TMEM39B: variants seen among roughly 807,000 people sequenced by gnomAD.
TMEM39B encodes transmembrane protein 39B.
Under a neutral mutation model 52.2 loss-of-function variants are expected in TMEM39B, and 23 were observed. The observed-to-expected ratio is 0.44, with a 90% CI of 0.32 to 0.62. The LOEUF (loss-of-function observed/expected upper bound fraction) is 0.62, where lower values mean the gene tolerates loss of function less well. TMEM39B is among the 20% of genes least tolerant of loss of function. The probability of loss-of-function intolerance (pLI) is 0.06; values close to 1 mark genes in which losing one functional copy is unlikely to be tolerated. For missense variants in TMEM39B, 547 were observed against 642.0 expected (o/e 0.85, Z 1.60); for synonymous variants, 285 against 264.0 (o/e 1.08, Z -0.77).
rs200998933 is a variant in TMEM39B at position 32,094,826 on chromosome 1, C to A, written c.970C>A (p.Leu324Met). The change falls in exon 7 of 9, where the codon CTG becomes ATG. Residue 324 changes from leucine to methionine, a missense_variant. Physicochemically the swap from Leu to Met is conservative, Grantham distance 15 (BLOSUM62 2). Transcript: ENST00000336294. ...CAAGCGCTGGTCCTGTGAACTCTTC[C>A]TGCTGGTGTCCATCAGCACCTCCGT... The part of the protein sequence containing the change: ...YDKRWSCELF[L>M]LVSISTSVIL... The A allele has an allele frequency of 2.5e-6, 4 of 1,614,232 alleles. No homozygotes were observed. Among genetic ancestry groups the A allele is most frequent in the Non-Finnish European group, 3.4e-6 (4 of 1,180,044 alleles).
intron 6 of TMEM39B, among the ~76,000 whole-genome samples, chr1:32,093,707 C>G (rs531621620): frequency 6.6e-6 from 1 of 150,570 alleles, no homozygotes; most frequent in East Asian, 2.0e-4. Flanking sequence ...CCACTGCGCC[C>G]GGCCCTTAAT....
intron 7 of TMEM39B, among the ~76,000 whole-genome samples, chr1:32,096,697 G>A (rs1401427924): frequency 6.6e-6 from 1 of 152,100 alleles, no homozygotes; most frequent in African/African-American, 2.4e-5. Context: ...CTGACCTCAG[G>A]TGATTCACTC....
chr1:32,091,773 G>A lies in TMEM39B; in HGVS notation c.689G>A (p.Ser230Asn). The A allele has an allele frequency of 5.0e-6, 8 of 1,614,256 alleles. No individual in the cohort carries two copies. The highest frequency in any genetic ancestry group is 2.2e-5 in the East Asian group (1 of 44,892). Reference sequence around the variant, plus strand: ...TCCATGGGGCCCCGGGAGGCGGTCAGTGGCCTGGCAAAGAGCCGGGACTAC... The same window carrying A: ...TCCATGGGGCCCCGGGAGGCGGTCAATGGCCTGGCAAAGAGCCGGGACTAC... Reference protein sequence around the residue: ...MASMGPREAVSGLAKSRDYLL... With the variant: ...MASMGPREAVNGLAKSRDYLL... The change falls in exon 6 of 9, where the codon AGT becomes AAT. Residue 230 changes from serine to asparagine, a missense_variant. Coordinates refer to ENST00000336294, the MANE Select transcript of TMEM39B (RefSeq NM_018056.4).
chr1:32,088,483 C>T (rs1195445624), intron 5 of TMEM39B, among the ~76,000 whole-genome samples: 1 of 151,860 alleles, frequency 6.6e-6, no homozygotes, highest in African/African-American at 2.4e-5. Context: ...TAGACCATGA[C>T]TGCTTCTTCG....
intron 1 of TMEM39B, among the ~76,000 whole-genome samples, chr1:32,074,351 A>G (rs936978136): frequency 6.6e-6 from 1 of 152,136 alleles, no homozygotes; most frequent in Non-Finnish European, 1.5e-5. Flanking sequence ...CAGAGTTGAG[A>G]GCACACGACC....
At position 32,091,835 on chromosome 1, in the gene TMEM39B, A is replaced by G. The variant is rs997788821; in HGVS notation, c.751A>G (p.Arg251Gly). ...TLRETWKQHT[R>G]QLYGPDAMPT... ...GCGGGAGACGTGGAAGCAGCACACA[A>G]GACAGCTGTATGGCCCGGACGCCAT... The change falls in exon 6 of 9, where the codon AGA becomes GGA. Residue 251 changes from arginine to glycine, a missense_variant. Physicochemically the swap from Arg to Gly is moderately radical, Grantham distance 125. Coordinates refer to ENST00000336294, the MANE Select transcript of TMEM39B (RefSeq NM_018056.4). The G allele has an allele frequency of 2.5e-6, 4 of 1,614,248 alleles. No individual in the cohort carries two copies. The highest frequency in any genetic ancestry group is 3.3e-4 in the Middle Eastern group (2 of 6,062).
intron 5 of TMEM39B, among the ~76,000 whole-genome samples, chr1:32,085,767 T>A (rs72878662): frequency 0.036 from 5,349 of 148,858 alleles, 315 homozygotes; most frequent in African/African-American, 0.12. Flanking sequence ...AAAAAAAAAA[T>A]TCCCTTATTT....
intron 5 of TMEM39B, among the ~76,000 whole-genome samples, chr1:32,083,106 G>C (rs543951654): frequency 1.7e-5 from 2 of 115,574 alleles, no homozygotes; most frequent in African/African-American, 6.8e-5. Flanking sequence ...TTTTTGAGAC[G>C]GAGTTTTGCT....
At chr1:32,085,041 T>A (rs1320833744) in intron 5 of TMEM39B, among the ~76,000 whole-genome samples, 3 of 152,204 alleles carry the variant, frequency 2.0e-5, no homozygotes, top group Admixed American at 2.0e-4. Flanking sequence ...AATATTCTGT[T>A]TATCTTTTGA....
intron 6 of TMEM39B, 152 bp from the exon 7 acceptor site, chr1:32,094,632 C>G (rs978473299): frequency 1.6e-5 from 14 of 857,994 alleles, no homozygotes; most frequent in Non-Finnish European, 2.5e-5. Flanking sequence ...AGGGCCTAAG[C>G]CTTGTTTGTT....
chr1:32,073,620 C>A, intron 1 of TMEM39B: 8 of 987,424 alleles, frequency 8.1e-6, no homozygotes, highest in Non-Finnish European at 9.6e-6. Flanking sequence ...GGCAGAGCTT[C>A]TGGACTGGAC....
chr1:32,077,210 TC>T lies in TMEM39B; in HGVS notation c.484del (p.Leu162SerfsTer28). The T allele has an allele frequency of 6.2e-7, 1 of 1,614,180 alleles. No homozygotes were observed. The highest frequency in any genetic ancestry group is 8.5e-7 in the Non-Finnish European group (1 of 1,180,026). On this transcript the variant is annotated frameshift_variant, in exon 5 of 9. Transcript: ENST00000336294. LOFTEE classifies it high-confidence loss of function. ...KVSLFRSILLFLTRFTVLTAT... is the reference protein window; with the variant it reads ...KVSLFRSILLXLTRFTVLTAT... The stretch of plus-strand genomic sequence containing the variant: ...TCCCTCTTTCGCTCCATCCTGCTGT[TC>T]CTCACTCGCTTCACCGTTCTCACGG...
chr1:32,092,838 G>A (rs573536270), intron 6 of TMEM39B, among the ~76,000 whole-genome samples: 3 of 152,252 alleles, frequency 2.0e-5, no homozygotes, highest in East Asian at 1.9e-4. Context: ...GAAGGGAAGT[G>A]ACCTGTCCAA....
chr1:32,074,851 G>T, intron 1 of TMEM39B, 100 bp from the exon 2 acceptor site: 1 of 1,380,632 alleles, frequency 7.2e-7, no homozygotes, highest in South Asian at 1.5e-5. Context: ...AGGATTAAAT[G>T]ATAAAGTGAG....
chr1:32,073,811 C>T (rs1639740233), intron 1 of TMEM39B: 2 of 985,252 alleles, frequency 2.0e-6, no homozygotes, highest in Non-Finnish European at 2.4e-6. Flanking sequence ...GAAACGCTTC[C>T]GAGCTGAGAT....
chr1:32,084,636 C>A (rs1640260251), intron 5 of TMEM39B, among the ~76,000 whole-genome samples: 2 of 152,044 alleles, frequency 1.3e-5, no homozygotes, highest in Admixed American at 6.6e-5. Flanking sequence ...ATGACACGAT[C>A]TCAGCTCACT....
rs762565871 is a variant in TMEM39B at position 32,075,059 on chromosome 1, G to A, written c.113G>A (p.Ser38Asn). 6 of 1,551,100 alleles carry A rather than the reference G, an allele frequency of 3.9e-6. No homozygotes were observed. In the African/African-American group the frequency reaches 5.5e-5, roughly 14 times the overall value. Residue 38 changes from serine to asparagine, a missense_variant, in exon 2 of 9, where the codon AGT becomes AAT. Ser to Asn is a conservative substitution (Grantham distance 46). Coordinates refer to ENST00000336294, the MANE Select transcript of TMEM39B (RefSeq NM_018056.4). ...GSHTSSASVTSVRSRTRSSSG... is the reference protein window; with the variant it reads ...GSHTSSASVTNVRSRTRSSSG... Reference sequence around the variant, plus strand: ...CACACTTCCAGTGCATCGGTGACCAGTGTTCGTTCCCGCACCAGGTAAACC... The same window carrying A: ...CACACTTCCAGTGCATCGGTGACCAATGTTCGTTCCCGCACCAGGTAAACC...
At chr1:32,075,224 G>A in intron 2 of TMEM39B, 147 bp downstream of exon 2, 1 of 1,175,076 alleles carries the variant, frequency 8.5e-7, no homozygotes, top group Non-Finnish European at 1.2e-6. Flanking sequence ...TCCAGAGGGA[G>A]CTCAGTTGAG....
intron 5 of TMEM39B, among the ~76,000 whole-genome samples, chr1:32,088,091 A>T (rs979378528): frequency 1.6e-5 from 2 of 128,262 alleles, no homozygotes; most frequent in Non-Finnish European, 3.3e-5. Flanking sequence ...TCGCCACTGT[A>T]CTCCAGCCTG....
Sources: gnomAD v4.1 joint callset for allele counts (sites outside exome capture counted in the v4.1 genomes callset) on GRCh38, gnomAD v4.1.1 for gene constraint, MANE v1.5 for transcripts, NCBI Gene and HGNC (gene_info 2026-07-23, HGNC 2026-07-21) for gene names.